The following CNTNAP2 variants were observed in gnomAD, a reference collection of about 807,000 sequenced individuals.
The protein encoded by CNTNAP2 is contactin associated protein 2, also known as contactin-associated protein-like 2.
In CNTNAP2, 98 loss-of-function variants were observed where a neutral mutation model predicts 155.2. That is an observed-to-expected ratio of 0.63 (90% CI 0.54 to 0.75). The LOEUF (loss-of-function observed/expected upper bound fraction) is 0.75, where lower values mean the gene tolerates loss of function less well. Ranked by LOEUF, CNTNAP2 falls within the 30% of genes least tolerant of loss-of-function variation. The pLI, the probability that CNTNAP2 is intolerant of heterozygous loss-of-function variation, is 0.00. For synonymous variants in CNTNAP2, 651 were observed against 631.2 expected (o/e 1.03, Z -0.47); for missense variants, 1,727 against 1,688.1 (o/e 1.02, Z -0.40).
At chr7:147,747,374 G>A (rs1417417879) in intron 13 of CNTNAP2, among the ~76,000 whole-genome samples, 5 of 152,080 alleles carry the variant, frequency 3.3e-5, no homozygotes, top group Non-Finnish European at 7.4e-5. Flanking sequence ...ATTCCAAGTT[G>A]ATTGAACTCT....
intron 1 of CNTNAP2, among the ~76,000 whole-genome samples, chr7:146,378,287 G>T (rs1262149395): frequency 6.6e-6 from 1 of 152,138 alleles, no homozygotes; most frequent in Non-Finnish European, 1.5e-5. Flanking sequence ...CAAAATTCTG[G>T]ATTAATTGGC....
At position 147,404,088 on chromosome 7, in the gene CNTNAP2, G is replaced by A. The variant is rs545726971; in HGVS notation, c.1670+8308G>A. 4.6e-5 allele frequency among the ~76,000 whole-genome samples: 7 copies of A among 152,082 alleles called. No individual in the cohort carries two copies. The South Asian group carries it at 1.0e-3, about 23-fold the overall frequency. ...TACCATTAGGTGCTTATTTCATTACGCATACTGTAGGCTTCTGGAAATACC... is the reference window on the plus strand; with the variant it reads ...TACCATTAGGTGCTTATTTCATTACACATACTGTAGGCTTCTGGAAATACC... On this transcript the variant is annotated intron_variant, in intron 10 of 23. Transcript: ENST00000361727.
chr7:148,408,084 A>G (rs567652686), intron 22 of CNTNAP2, among the ~76,000 whole-genome samples: 1 of 152,200 alleles, frequency 6.6e-6, no homozygotes, highest in African/African-American at 2.4e-5. Flanking sequence ...GTCTCTACTA[A>G]AAATACAAAA....
At chr7:146,980,036 G>A (rs75903058) in intron 3 of CNTNAP2, among the ~76,000 whole-genome samples, 1,602 of 152,206 alleles carry the variant, frequency 0.011, 25 homozygotes, top group African/African-American at 0.037. Context: ...TGTCCTAGTT[G>A]GTTAGTGATG....
intron 1 of CNTNAP2, among the ~76,000 whole-genome samples, chr7:146,666,030 T>C (rs999426170): frequency 6.6e-6 from 1 of 151,942 alleles, no homozygotes. Flanking sequence ...TATTTGAAAC[T>C]ATAAAGTATA....
chr7:148,325,439 A>C (rs1310588169), intron 21 of CNTNAP2, among the ~76,000 whole-genome samples: 2 of 152,232 alleles, frequency 1.3e-5, no homozygotes, highest in Non-Finnish European at 2.9e-5. Flanking sequence ...ACTAACAAAG[A>C]CCATCTGGTG....
At chr7:146,455,732 T>G (rs1247303979) in intron 1 of CNTNAP2, among the ~76,000 whole-genome samples, 3 of 152,164 alleles carry the variant, frequency 2.0e-5, no homozygotes, top group Non-Finnish European at 4.4e-5. Flanking sequence ...TTCCTGGGCA[T>G]AAAGAAAATA....
At chr7:147,588,054 A>G (rs1056419987) in intron 12 of CNTNAP2, among the ~76,000 whole-genome samples, 2 of 152,142 alleles carry the variant, frequency 1.3e-5, no homozygotes, top group African/African-American at 4.8e-5. Flanking sequence ...GTTCCATAAT[A>G]CTAATGTAGA....
intron 1 of CNTNAP2, among the ~76,000 whole-genome samples, chr7:146,532,056 T>G (rs957261933): frequency 6.6e-6 from 1 of 151,720 alleles, no homozygotes; most frequent in African/African-American, 2.4e-5. Context: ...GATAAAGAGC[T>G]GGAACTAGGG....
intron 12 of CNTNAP2, among the ~76,000 whole-genome samples, chr7:147,629,354 G>A (rs1163844787): frequency 1.3e-5 from 2 of 151,460 alleles, no homozygotes; most frequent in African/African-American, 4.9e-5. Context: ...AGTGAGTTGA[G>A]ATTGCACCAC....
chr7:146,624,732 T>C (rs1350332873), intron 1 of CNTNAP2, among the ~76,000 whole-genome samples: 2 of 151,970 alleles, frequency 1.3e-5, no homozygotes, highest in East Asian at 3.9e-4. Context: ...ATATAAGTTT[T>C]AGACATGGTT....
At chr7:147,682,208 T>C (rs1795956150) in intron 13 of CNTNAP2, among the ~76,000 whole-genome samples, 2 of 151,884 alleles carry the variant, frequency 1.3e-5, no homozygotes, top group African/African-American at 4.8e-5. Context: ...AATAAAGGAT[T>C]ACCGTGATGA....
At chr7:146,237,472 G>C (rs1799493071) in intron 1 of CNTNAP2, among the ~76,000 whole-genome samples, 1 of 152,208 alleles carries the variant, frequency 6.6e-6, no homozygotes, top group African/African-American at 2.4e-5. Context: ...TGCGTCTTCA[G>C]TTTTTCTGAT....
intron 1 of CNTNAP2, among the ~76,000 whole-genome samples, chr7:146,681,595 G>A (rs1264983407): frequency 8.3e-6 from 1 of 120,254 alleles, no homozygotes; most frequent in Non-Finnish European, 1.8e-5. Context: ...TGGGGGATGG[G>A]AGGGGGTGGG....
intron 21 of CNTNAP2, among the ~76,000 whole-genome samples, chr7:148,337,736 T>C (rs1309090621): frequency 1.3e-5 from 2 of 152,206 alleles, no homozygotes; most frequent in Non-Finnish European, 2.9e-5. Flanking sequence ...CCCTGCGCCA[T>C]GCAGAGTATA....
At chr7:147,111,912 G>A (rs948856546) in intron 5 of CNTNAP2, among the ~76,000 whole-genome samples, 5 of 152,096 alleles carry the variant, frequency 3.3e-5, no homozygotes, top group African/African-American at 1.2e-4. Flanking sequence ...AATGGTCAAT[G>A]GTAGTTTAAT....
rs754874287 is a variant in CNTNAP2 at position 146,411,846 on chromosome 7, A to ATTT, written c.97+294875_97+294877dup. Among the ~76,000 whole-genome samples, 298 of 85,174 alleles carry ATTT rather than the reference A, an allele frequency of 3.5e-3. 1 individual carries two copies. Among genetic ancestry groups the ATTT allele is most frequent in the South Asian group, 0.013 (45 of 3,480 alleles). 55.9% of individuals were successfully genotyped at this position (85,174 alleles called of 152,430 possible). The stretch of plus-strand genomic sequence containing the variant: ...TATTTACTTATTTATTTATTTATTT[A>ATTT]TTTTATTTGAGATAGAGTCTCTCTC... On this transcript the variant is annotated intron_variant, in intron 1 of 23. Coordinates refer to ENST00000361727, the MANE Select transcript of CNTNAP2 (RefSeq NM_014141.6).
intron 9 of CNTNAP2, among the ~76,000 whole-genome samples, chr7:147,316,246 G>T (rs1795231756): frequency 6.6e-6 from 1 of 151,964 alleles, no homozygotes; most frequent in South Asian, 2.1e-4. Flanking sequence ...ACTAATGTAG[G>T]CAAAGATTTG....
chr7:148,379,388 C>A (rs1445120078), intron 21 of CNTNAP2, among the ~76,000 whole-genome samples: 2 of 151,956 alleles, frequency 1.3e-5, no homozygotes, highest in African/African-American at 2.4e-5. Context: ...AAGAAGAAAT[C>A]TCCTTTGAGA....
Sources: gnomAD v4.1 joint callset for allele counts (sites outside exome capture counted in the v4.1 genomes callset) on GRCh38, gnomAD v4.1.1 for gene constraint, MANE v1.5 for transcripts, NCBI Gene and HGNC (gene_info 2026-07-23, HGNC 2026-07-21) for gene names.